The following PCDH15 variants were observed in gnomAD, a reference collection of about 807,000 sequenced individuals.
The protein encoded by PCDH15 is protocadherin-15.
A neutral mutation model predicts 178.5 loss-of-function variants in PCDH15; 129 were observed. That is an observed-to-expected ratio of 0.72 (90% CI 0.63 to 0.84). PCDH15 has a LOEUF of 0.84. Among genes scored for constraint, PCDH15 ranks in the 40% least tolerant of loss-of-function variants. PCDH15 has a pLI of 0.00. For missense variants in PCDH15, 2,230 were observed against 2,099.9 expected, an observed-to-expected ratio of 1.06 and a Z score of -1.21; for synonymous variants, 800 against 732.0, an observed-to-expected ratio of 1.09 and a Z score of -1.50.
chr10:55,052,520 GA>G (rs202069874), intron 2 of PCDH15, among the ~76,000 whole-genome samples: 97,907 of 97,932 alleles, frequency 1, 48,941 homozygotes, highest in Middle Eastern at 1. Flanking sequence ...GCAACATGGC[GA>G]AAACCCCGTC....
At chr10:53,967,571 C>T (rs1398165110) in intron 21 of PCDH15, among the ~76,000 whole-genome samples, 1 of 152,114 alleles carries the variant, frequency 6.6e-6, no homozygotes, top group Non-Finnish European at 1.5e-5. Flanking sequence ...TGCACCTGGC[C>T]TAGACAAACA....
chr10:55,005,912 C>G (rs1264830850), intron 2 of PCDH15, among the ~76,000 whole-genome samples: 3 of 151,882 alleles, frequency 2.0e-5, no homozygotes, highest in Non-Finnish European at 2.9e-5. Context: ...ATTCCATTAT[C>G]TGCATCATTC....
chr10:54,428,885 T>G (rs1956618771), intron 3 of PCDH15, among the ~76,000 whole-genome samples: 1 of 152,128 alleles, frequency 6.6e-6, no homozygotes, highest in African/African-American at 2.4e-5. Flanking sequence ...GAAAGAGAAA[T>G]AAAGACCTTC....
chr10:54,619,066 A>G (rs1185519304), intron 2 of PCDH15: 1 of 152,070 alleles, frequency 6.6e-6, no homozygotes, highest in Non-Finnish European at 1.5e-5. Flanking sequence ...TAGAGAAAGG[A>G]AAGTCAAACA....
intron 18 of PCDH15, among the ~76,000 whole-genome samples, chr10:54,049,428 G>T (rs1008981637): frequency 1.3e-5 from 2 of 152,114 alleles, no homozygotes; most frequent in African/African-American, 2.4e-5. Context: ...GTTAGAGTAG[G>T]CATCCTTCTC....
chr10:54,943,074 A>C (rs1430621178), intron 2 of PCDH15, among the ~76,000 whole-genome samples: 1 of 152,040 alleles, frequency 6.6e-6, no homozygotes, highest in Non-Finnish European at 1.5e-5. Flanking sequence ...AAGAAATCAC[A>C]AATTTATTTG....
chr10:54,167,407 A>T (rs910969420), intron 13 of PCDH15, among the ~76,000 whole-genome samples: 2 of 152,034 alleles, frequency 1.3e-5, no homozygotes, highest in Non-Finnish European at 2.9e-5. Context: ...CAAAGGAGAC[A>T]CATTTTATCC....
Position 54,070,533 on chromosome 10 carries a change from T to C in PCDH15, c.2092-3648A>G, listed in dbSNP as rs1375064952. 3.3e-5 allele frequency among the ~76,000 whole-genome samples: 5 copies of C among 152,266 alleles called. No homozygotes were observed. The East Asian group carries it at 9.7e-4, about 30-fold the overall frequency. On this transcript the variant is annotated intron_variant, in intron 17 of 37. Coordinates refer to ENST00000644397, the MANE Select transcript of PCDH15 (RefSeq NM_001384140.1). ...GTTGTAATTTGAATACACATTTATTTTTATAAACTAGTATGGCTCTGAAAG... is the reference window on the plus strand; with the variant it reads ...GTTGTAATTTGAATACACATTTATTCTTATAAACTAGTATGGCTCTGAAAG...
intron 2 of PCDH15, among the ~76,000 whole-genome samples, chr10:55,046,534 A>G (rs1841010905): frequency 6.6e-6 from 1 of 151,992 alleles, no homozygotes; most frequent in African/African-American, 2.4e-5. Context: ...ATTAAAAATA[A>G]GGTTATGAAA....
chr10:53,931,086 T>G lies in PCDH15; in HGVS notation c.3373+7729A>C, dbSNP rs187294531. ...CCAGAAAGTTTGAGTGCAGGAAGAA[T>G]GAAAAATCAACACCTAATTTCTAAC... On this transcript the variant is annotated intron_variant, in intron 25 of 37. Transcript: ENST00000644397. Among the ~76,000 whole-genome samples, 385 of 152,222 alleles carry G rather than the reference T, an allele frequency of 2.5e-3. 2 individuals are homozygous for G. The highest frequency in any genetic ancestry group is 3.1e-3 in the Non-Finnish European group (209 of 68,008).
chr10:54,039,946 CT>C (rs1314357003), intron 18 of PCDH15, among the ~76,000 whole-genome samples: 8 of 152,024 alleles, frequency 5.3e-5, no homozygotes, highest in African/African-American at 1.9e-4. Context: ...CCTACAATCT[CT>C]TCACATCCCA....
At chr10:54,133,115 A>G in intron 14 of PCDH15, 108 bp from the exon 15 acceptor site, 3 of 1,378,040 alleles carry the variant, frequency 2.2e-6, no homozygotes, top group Non-Finnish European at 3.0e-6. Flanking sequence ...AAATTTCCAA[A>G]TTTTATGAAA....
At chr10:54,339,773 A>G (rs541118254) in intron 6 of PCDH15, among the ~76,000 whole-genome samples, 3 of 152,302 alleles carry the variant, frequency 2.0e-5, no homozygotes, top group Admixed American at 1.3e-4. Context: ...TTGAAAACTC[A>G]TCAGGTTTCT....
At chr10:55,284,599 A>G (rs1842819824) in intron 1 of PCDH15, among the ~76,000 whole-genome samples, 1 of 152,064 alleles carries the variant, frequency 6.6e-6, no homozygotes, top group Non-Finnish European at 1.5e-5. Flanking sequence ...TTACATACCA[A>G]TAATTGATTT....
At chr10:53,978,690 G>T (rs556609973) in intron 21 of PCDH15, among the ~76,000 whole-genome samples, 1 of 149,152 alleles carries the variant, frequency 6.7e-6, no homozygotes, top group Admixed American at 6.7e-5. Context: ...GCATCATCAG[G>T]CTGCAAATTT....
chr10:54,319,044 T>C (rs892808331), intron 7 of PCDH15, among the ~76,000 whole-genome samples: 1 of 152,212 alleles, frequency 6.6e-6, no homozygotes, highest in Non-Finnish European at 1.5e-5. Context: ...GAAAATAATA[T>C]TGGACCTAAG....
At chr10:54,457,543 G>T (rs746535977) in intron 3 of PCDH15, among the ~76,000 whole-genome samples, 4 of 152,028 alleles carry the variant, frequency 2.6e-5, no homozygotes, top group Non-Finnish European at 5.9e-5. Context: ...ACCTGCTATT[G>T]CTCTCAGCTC....
chr10:55,502,611 G>T (rs1466373420), intron 2 of PCDH15, among the ~76,000 whole-genome samples: 1 of 151,528 alleles, frequency 6.6e-6, no homozygotes, highest in Admixed American at 6.6e-5. Context: ...ACAGTCAGTC[G>T]GTATTTTCTG....
chr10:54,385,450 C>A (rs1456585281), intron 3 of PCDH15, among the ~76,000 whole-genome samples: 4 of 152,108 alleles, frequency 2.6e-5, no homozygotes, highest in East Asian at 1.9e-4. Flanking sequence ...AATAACCATA[C>A]GTGCTCAAGC....
Sources: gnomAD v4.1 joint callset for allele counts (sites outside exome capture counted in the v4.1 genomes callset) on GRCh38, gnomAD v4.1.1 for gene constraint, MANE v1.5 for transcripts, NCBI Gene and HGNC (gene_info 2026-07-23, HGNC 2026-07-21) for gene names.